The following RMST variants were observed in gnomAD, a reference collection of about 807,000 sequenced individuals.
RMST encodes long intergenic non-protein coding RNA 54.
intron 10 of RMST, among the ~76,000 whole-genome samples, chr12:97,509,271 T>G (rs1375415842): frequency 6.6e-6 from 1 of 152,190 alleles, no homozygotes; most frequent in Non-Finnish European, 1.5e-5. Context: ...CTCTGATCTG[T>G]TGATGTCTTA....
At chr12:97,526,826 T>A (rs1881157730) in intron 10 of RMST, among the ~76,000 whole-genome samples, 1 of 152,196 alleles carries the variant, frequency 6.6e-6, no homozygotes, top group Admixed American at 6.5e-5. Context: ...TGTTTCTTGG[T>A]GATTCTGTTG....
At chr12:97,518,053 T>G (rs1176831735) in intron 10 of RMST, among the ~76,000 whole-genome samples, 1 of 152,172 alleles carries the variant, frequency 6.6e-6, no homozygotes, top group Non-Finnish European at 1.5e-5. Context: ...TATCCAAACT[T>G]ATTTTTATTT....
At chr12:97,542,928 G>A (rs1726922799) in intron 11 of RMST, among the ~76,000 whole-genome samples, 1 of 151,918 alleles carries the variant, frequency 6.6e-6, no homozygotes, top group Non-Finnish European at 1.5e-5. Context: ...AGAAGTTAAT[G>A]AAGTTACCAC....
intron 10 of RMST, among the ~76,000 whole-genome samples, chr12:97,527,568 C>T (rs907395883): frequency 3.3e-5 from 5 of 152,266 alleles, no homozygotes; most frequent in Non-Finnish European, 7.4e-5. Context: ...CAAGGCAATG[C>T]CAATTTCTCC....
At chr12:97,558,092 C>T (rs1317620493) in intron 11 of RMST, among the ~76,000 whole-genome samples, 1 of 152,152 alleles carries the variant, frequency 6.6e-6, no homozygotes, top group Non-Finnish European at 1.5e-5. Context: ...CTTCCTTCAT[C>T]ACCTCCTCCT....
intron 5 of RMST, among the ~76,000 whole-genome samples, chr12:97,467,849 A>T (rs1873378357): frequency 6.6e-6 from 1 of 152,020 alleles, no homozygotes; most frequent in East Asian, 1.9e-4. Flanking sequence ...GTTCATTAGA[A>T]ATTGTGTATG....
chr12:97,479,613 C>T (rs1345005887), intron 5 of RMST, among the ~76,000 whole-genome samples: 1 of 152,122 alleles, frequency 6.6e-6, no homozygotes, highest in East Asian at 1.9e-4. Flanking sequence ...CTGAAAGTTG[C>T]CCATTCCCCT....
At chr12:97,476,281 A>C (rs990960439) in intron 5 of RMST, among the ~76,000 whole-genome samples, 6 of 152,298 alleles carry the variant, frequency 3.9e-5, no homozygotes, top group Admixed American at 1.3e-4. Flanking sequence ...TGGGAATTTA[A>C]AAGTTTCATT....
chr12:97,562,975 G>T (rs1193664676), intron 13 of RMST, among the ~76,000 whole-genome samples: 3 of 152,220 alleles, frequency 2.0e-5, no homozygotes, highest in Admixed American at 1.3e-4. Context: ...GGAGTTGGTA[G>T]ATAGGCACCT....
chr12:97,478,667 A>G (rs1874845108), intron 5 of RMST, among the ~76,000 whole-genome samples: 1 of 152,200 alleles, frequency 6.6e-6, no homozygotes, highest in South Asian at 2.1e-4. Flanking sequence ...CACCTATCAT[A>G]CAAGCATTAT....
At chr12:97,487,526 C>T (rs1289898165) in intron 5 of RMST, among the ~76,000 whole-genome samples, 1 of 152,028 alleles carries the variant, frequency 6.6e-6, no homozygotes, top group Admixed American at 6.6e-5. Flanking sequence ...CTGAAAAGCA[C>T]GTTTGATGGA....
rs150540898 is a variant in RMST at position 97,515,427 on chromosome 12, G to T, written n.1341-15228G>T. Reference sequence around the variant, plus strand: ...GTTGAAGTAAGTTGTGGCAGACCTGGAAGACAATGCATGGCTAAAGTACAG... The same window carrying T: ...GTTGAAGTAAGTTGTGGCAGACCTGTAAGACAATGCATGGCTAAAGTACAG... On this transcript the variant is annotated intron_variant and non_coding_transcript_variant, in intron 10 of 13. Coordinates refer to ENST00000640149, the Ensembl canonical transcript of RMST. Among the ~76,000 whole-genome samples the T allele has an allele frequency of 4.5e-3, 688 of 152,184 alleles. 3 individuals are homozygous for T. Among genetic ancestry groups the T allele is most frequent in the African/African-American group, 0.015 (615 of 41,534 alleles).
chr12:97,555,136 C>G (rs995925111), intron 11 of RMST, among the ~76,000 whole-genome samples: 6 of 152,142 alleles, frequency 3.9e-5, no homozygotes, highest in South Asian at 2.1e-4. Flanking sequence ...ATGTCCCCCC[C>G]AAAAGACCTG....
At chr12:97,563,069 A>G (rs1194385887) in intron 13 of RMST, among the ~76,000 whole-genome samples, 2 of 152,210 alleles carry the variant, frequency 1.3e-5, no homozygotes, top group Non-Finnish European at 2.9e-5. Context: ...GGGTTTCAGC[A>G]TGGCCACTTA....
intron 5 of RMST, among the ~76,000 whole-genome samples, chr12:97,481,473 C>G (rs984383263): frequency 2.2e-4 from 34 of 152,020 alleles, no homozygotes; most frequent in African/African-American, 7.7e-4. Context: ...CCAGGGTGGC[C>G]AGTTACCATG....
chr12:97,522,004 G>T lies in RMST; in HGVS notation n.1341-8651G>T, dbSNP rs185037242. On this transcript the variant is annotated intron_variant and non_coding_transcript_variant, in intron 10 of 13. Transcript: ENST00000640149. The stretch of plus-strand genomic sequence containing the variant: ...TCTTCTATTAAAGTGAAATGAAAAT[G>T]TCTACACTCTTAGTCTATGATGATT... Among the ~76,000 whole-genome samples the T allele has an allele frequency of 1.3e-4, 20 of 152,192 alleles. No individual in the cohort carries two copies. The East Asian group carries it at 3.9e-3, about 29-fold the overall frequency.
chr12:97,520,207 G>A (rs1481029150), intron 10 of RMST, among the ~76,000 whole-genome samples: 1 of 152,114 alleles, frequency 6.6e-6, no homozygotes, highest in Non-Finnish European at 1.5e-5. Flanking sequence ...AACGTCTTTG[G>A]CCATCCTGGT....
intron 11 of RMST, among the ~76,000 whole-genome samples, chr12:97,550,534 A>G (rs1391705557): frequency 3.3e-5 from 5 of 152,188 alleles, no homozygotes; most frequent in Non-Finnish European, 7.3e-5. Flanking sequence ...GTAATTTAAG[A>G]TGTAGTTAGC....
At chr12:97,522,106 C>G (rs776415804) in intron 10 of RMST, among the ~76,000 whole-genome samples, 2 of 152,136 alleles carry the variant, frequency 1.3e-5, no homozygotes, top group Non-Finnish European at 2.9e-5. Flanking sequence ...CATTTTATTT[C>G]CATGCTTTCT....
Sources: allele counts gnomAD v4.1 joint callset (sites outside exome capture counted in the v4.1 genomes callset), GRCh38; gene constraint gnomAD v4.1.1; transcripts MANE v1.5; gene names NCBI Gene and HGNC (gene_info 2026-07-23, HGNC 2026-07-21).